Variants in PDSS2 observed in about 807,000 individuals in gnomAD.
PDSS2 encodes the protein decaprenyl diphosphate synthase subunit 2.
PDSS2 carries 31 observed loss-of-function variants against 44.5 expected under a neutral mutation model. The observed-to-expected ratio is 0.70, with a 90% CI of 0.52 to 0.94. PDSS2 has a LOEUF of 0.94. Ranked by LOEUF, PDSS2 falls within the 40% of genes least tolerant of loss-of-function variation. The pLI is 0.00. For missense variants in PDSS2, 452 were observed against 482.2 expected (o/e 0.94, Z 0.59); for synonymous variants, 157 against 180.3 (o/e 0.87, Z 1.03).
chr6:107,299,135 A>C (rs112134329), intron 2 of PDSS2, among the ~76,000 whole-genome samples: 6,114 of 114,438 alleles, frequency 0.053, 306 homozygotes, highest in African/African-American at 0.13. Flanking sequence ...TGACAAAGTG[A>C]GACCCTGTCT....
intron 4 of PDSS2, among the ~76,000 whole-genome samples, chr6:107,226,502 G>A (rs1053903734): frequency 6.6e-6 from 1 of 152,060 alleles, no homozygotes; most frequent in Non-Finnish European, 1.5e-5. Context: ...ATGGAAAAGT[G>A]TGTTCCAAGC....
chr6:107,361,116 G>C, intron 1 of PDSS2, among the ~76,000 whole-genome samples: 1 of 152,016 alleles, frequency 6.6e-6, no homozygotes, highest in East Asian at 1.9e-4. Context: ...AAAAAAATTA[G>C]AATTTTAACA....
chr6:107,286,136 T>TAAATA (rs568159749), intron 2 of PDSS2, among the ~76,000 whole-genome samples: 1 of 128,744 alleles, frequency 7.8e-6, no homozygotes. Flanking sequence ...CGTCGCAAAA[T>TAAATA]AAAAAAAAAA....
chr6:107,371,555 T>C (rs1779129194), intron 1 of PDSS2, among the ~76,000 whole-genome samples: 1 of 152,186 alleles, frequency 6.6e-6, no homozygotes, highest in African/African-American at 2.4e-5. Flanking sequence ...GTAGTTCATT[T>C]TTCAAAGTAA....
rs1237452368 is a variant in PDSS2, at chr6:107,153,166, A to C, written c.*1453T>G. The C allele has an allele frequency of 6.6e-6, 1 of 152,644 alleles. No individual in the cohort carries two copies. Among genetic ancestry groups the C allele is most frequent in the Non-Finnish European group, 1.5e-5 (1 of 68,052 alleles). 9.5% of individuals were successfully genotyped at this position (152,644 alleles called of 1,614,324 possible). A position where few individuals can be genotyped will look rare whatever the true frequency, so the allele number is the denominator to read the frequency against. On this transcript the variant is annotated 3_prime_UTR_variant, in exon 8 of 8. Transcript: ENST00000369037. ...ATGTAGTGTTTGAGCGAACTAGGTA[A>C]TAAAATCTGTTTGCTGTATTCGCTG...
intron 2 of PDSS2, among the ~76,000 whole-genome samples, chr6:107,280,517 T>C (rs1267281047): frequency 6.6e-6 from 1 of 152,212 alleles, no homozygotes; most frequent in Non-Finnish European, 1.5e-5. Flanking sequence ...TTAAAAAATT[T>C]CATCTGCTTT....
chr6:107,331,242 T>TAGAGAA (rs1777700714), intron 2 of PDSS2, among the ~76,000 whole-genome samples: 1 of 152,074 alleles, frequency 6.6e-6, no homozygotes, highest in Non-Finnish European at 1.5e-5. Context: ...AAATTAATGG[T>TAGAGAA]TTCTCATAGC....
chr6:107,318,419 C>A (rs1246220413), intron 2 of PDSS2, among the ~76,000 whole-genome samples: 1 of 151,860 alleles, frequency 6.6e-6, no homozygotes, highest in Admixed American at 6.6e-5. Flanking sequence ...AAAGAAGCAA[C>A]TATGAAAACA....
At chr6:107,364,064 G>T (rs1448121268) in intron 1 of PDSS2, among the ~76,000 whole-genome samples, 6 of 152,102 alleles carry the variant, frequency 3.9e-5, no homozygotes, top group Admixed American at 3.3e-4. Flanking sequence ...AGCGTCGACT[G>T]GTGCACTCAC....
intron 5 of PDSS2, 28 bp downstream of exon 5, chr6:107,212,081 G>A (rs1562378874): frequency 9.4e-6 from 15 of 1,596,864 alleles, no homozygotes; most frequent in Non-Finnish European, 1.3e-5. Context: ...TTTAAGTACT[G>A]AAAAAAGATA....
At chr6:107,289,064 G>A (rs1353209307) in intron 2 of PDSS2, among the ~76,000 whole-genome samples, 1 of 150,366 alleles carries the variant, frequency 6.7e-6, no homozygotes, top group Admixed American at 6.6e-5. Flanking sequence ...ACCGCGCCTG[G>A]CCGAAATTGA....
chr6:107,233,342 T>C (rs61284648), intron 4 of PDSS2, among the ~76,000 whole-genome samples: 8,493 of 152,276 alleles, frequency 0.056, 490 homozygotes, highest in African/African-American at 0.15. Flanking sequence ...CATCAGATTC[T>C]TGAGGGCTGG....
rs1440141101 is a variant in PDSS2 at position 107,253,216 on chromosome 6, T to G, written c.631-7597A>C. Among the ~76,000 whole-genome samples the G allele has an allele frequency of 3.3e-5, 5 of 151,904 alleles. No individual in the cohort carries two copies. The East Asian group carries it at 9.7e-4, about 29-fold the overall frequency. ...ACGCCTGGCTAATTTTTGTATTTTT[T>G]TTAGTAGAGACGGGGTTTCACCACA... On this transcript the variant is annotated intron_variant, in intron 3 of 7. Coordinates refer to ENST00000369037, the MANE Select transcript of PDSS2 (RefSeq NM_020381.4).
At chr6:107,291,347 AAT>A (rs2115021817) in intron 2 of PDSS2, among the ~76,000 whole-genome samples, 1 of 99,068 alleles carries the variant, frequency 1.0e-5, no homozygotes, top group Non-Finnish European at 2.0e-5. Context: ...TTTATTTTAT[AAT>A]TTTTTTTTTT....
chr6:107,260,461 A>C (rs1775175624), intron 3 of PDSS2, among the ~76,000 whole-genome samples: 1 of 152,064 alleles, frequency 6.6e-6, no homozygotes, highest in African/African-American at 2.4e-5. Flanking sequence ...AGTCACATAG[A>C]CTCTTGGATG....
chr6:107,235,596 A>G (rs924245016), intron 4 of PDSS2, among the ~76,000 whole-genome samples: 1 of 152,220 alleles, frequency 6.6e-6, no homozygotes, highest in Admixed American at 6.5e-5. Flanking sequence ...AAGAATATTT[A>G]TAGTGATACA....
At chr6:107,394,245 C>T (rs1779871877) in intron 1 of PDSS2, among the ~76,000 whole-genome samples, 1 of 151,984 alleles carries the variant, frequency 6.6e-6, no homozygotes, top group South Asian at 2.1e-4. Flanking sequence ...TGTATTAGTC[C>T]ATTCCCTGCA....
chr6:107,332,775 T>C (rs1777753525), intron 2 of PDSS2, among the ~76,000 whole-genome samples: 1 of 152,226 alleles, frequency 6.6e-6, no homozygotes, highest in Non-Finnish European at 1.5e-5. Flanking sequence ...ATGGCATTAT[T>C]ATAAGAACCA....
intron 5 of PDSS2, among the ~76,000 whole-genome samples, 162 bp downstream of exon 5, chr6:107,211,947 T>A (rs997526721): frequency 1.3e-5 from 2 of 152,176 alleles, no homozygotes; most frequent in African/African-American, 2.4e-5. Flanking sequence ...ACTTAGCAAT[T>A]ATACTATTTA....
Sources: allele counts gnomAD v4.1 joint callset (sites outside exome capture counted in the v4.1 genomes callset), GRCh38; gene constraint gnomAD v4.1.1; transcripts MANE v1.5; gene names NCBI Gene and HGNC (gene_info 2026-07-23, HGNC 2026-07-21).